Variants in ANK3 observed in about 807,000 individuals in gnomAD.
The protein encoded by ANK3 is ankyrin 3.
In ANK3, 57 loss-of-function variants were observed where a neutral mutation model predicts 370.9. That is an observed-to-expected ratio of 0.15 (90% CI 0.12 to 0.19). The LOEUF is 0.19. ANK3 is among the 10% of genes least tolerant of loss of function. ANK3 has a pLI of 1.00. For synonymous variants in ANK3, 1,929 were observed against 1,946.3 expected (o/e 0.99, Z 0.23); for missense variants, 4,439 against 5,302.1 (o/e 0.84, Z 5.06).
At chr10:60,541,447 A>G (rs1053872590) in intron 2 of ANK3, among the ~76,000 whole-genome samples, 7 of 152,010 alleles carry the variant, frequency 4.6e-5, no homozygotes, top group African/African-American at 1.7e-4. Context: ...AGATTTAGAA[A>G]TGTGAGATAA....
At chr10:60,444,826 C>T (rs1432692493) in intron 2 of ANK3, among the ~76,000 whole-genome samples, 1 of 152,066 alleles carries the variant, frequency 6.6e-6, no homozygotes, top group East Asian at 1.9e-4. Context: ...GTCTGAAGGG[C>T]CTTCTAATTT....
At chr10:60,275,542 T>C (rs934009119) in intron 4 of ANK3, among the ~76,000 whole-genome samples, 8 of 152,194 alleles carry the variant, frequency 5.3e-5, no homozygotes, top group African/African-American at 1.7e-4. Context: ...TTGATTCATA[T>C]ACGTTACTAA....
At chr10:60,045,165 T>C (rs1314434343) in intron 42 of ANK3, among the ~76,000 whole-genome samples, 1 of 152,184 alleles carries the variant, frequency 6.6e-6, no homozygotes, top group African/African-American at 2.4e-5. Flanking sequence ...CTCTATTGGC[T>C]GTAACATATG....
At chr10:60,399,913 T>C (rs1248203064) in intron 2 of ANK3, among the ~76,000 whole-genome samples, 1 of 152,174 alleles carries the variant, frequency 6.6e-6, no homozygotes, top group Admixed American at 6.6e-5. Context: ...TCCCTGGGCA[T>C]TACCGAGTGT....
intron 42 of ANK3, among the ~76,000 whole-genome samples, chr10:60,046,507 T>C (rs1331589376): frequency 1.3e-5 from 2 of 152,182 alleles, no homozygotes; most frequent in Admixed American, 6.5e-5. Context: ...GAAAGGACTA[T>C]GAAGTAAGCA....
chr10:60,479,322 C>T (rs893888379), intron 2 of ANK3, among the ~76,000 whole-genome samples: 4 of 152,118 alleles, frequency 2.6e-5, no homozygotes, highest in Admixed American at 2.0e-4. Flanking sequence ...TGTGCTACAA[C>T]TACCTACAGT....
intron 1 of ANK3, among the ~76,000 whole-genome samples, chr10:60,308,152 C>T (rs1360865988): frequency 1.3e-5 from 2 of 152,182 alleles, no homozygotes; most frequent in Non-Finnish European, 2.9e-5. Context: ...TCTAGATTGA[C>T]TGTATTCAAT....
intron 1 of ANK3, among the ~76,000 whole-genome samples, chr10:60,328,731 A>G (rs1218945040): frequency 6.6e-6 from 1 of 152,188 alleles, no homozygotes; most frequent in African/African-American, 2.4e-5. Flanking sequence ...TTCCTTCTGA[A>G]ACTATTCCAA....
chr10:60,059,561 C>T (rs1160432936), intron 40 of ANK3, 131 bp from the exon 41 acceptor site: 20 of 1,244,798 alleles, frequency 1.6e-5, no homozygotes, highest in Non-Finnish European at 2.1e-5. Context: ...ATTTGAGTTT[C>T]TCTTCCATCA....
intron 2 of ANK3, among the ~76,000 whole-genome samples, chr10:60,599,257 T>A (rs951668387): frequency 3.3e-5 from 5 of 152,104 alleles, no homozygotes. Flanking sequence ...GACAGACTCA[T>A]CAGATGGTAA....
At chr10:60,151,179 C>G (rs1396292123) in intron 23 of ANK3, among the ~76,000 whole-genome samples, 1 of 152,132 alleles carries the variant, frequency 6.6e-6, no homozygotes. Context: ...TACCACATGC[C>G]AAGTTCTAGG....
intron 2 of ANK3, among the ~76,000 whole-genome samples, chr10:60,439,142 A>G (rs990830609): frequency 6.6e-6 from 1 of 152,198 alleles, no homozygotes; most frequent in Non-Finnish European, 1.5e-5. Flanking sequence ...AAGAAATGAT[A>G]GATTATCTAG....
intron 2 of ANK3, among the ~76,000 whole-genome samples, chr10:60,421,084 C>T (rs1429594786): frequency 6.6e-6 from 1 of 151,966 alleles, no homozygotes; most frequent in Non-Finnish European, 1.5e-5. Flanking sequence ...AGTGAAAACA[C>T]ACACCAAAAA....
At chr10:60,595,680 A>G (rs1311317828) in intron 2 of ANK3, among the ~76,000 whole-genome samples, 2 of 152,162 alleles carry the variant, frequency 1.3e-5, no homozygotes, top group Admixed American at 6.5e-5. Context: ...TGGTCCCCAA[A>G]CTAGAAGGGG....
chr10:60,467,617 A>C (rs2065039789), intron 2 of ANK3, among the ~76,000 whole-genome samples: 1 of 152,198 alleles, frequency 6.6e-6, no homozygotes, highest in Non-Finnish European at 1.5e-5. Flanking sequence ...AAATATTCAC[A>C]AGTAACATTT....
upstream of ANK3, among the ~76,000 whole-genome samples, chr10:60,391,779 C>T (rs1396799983): frequency 6.6e-6 from 1 of 152,140 alleles, no homozygotes; most frequent in African/African-American, 2.4e-5. Context: ...GAAAATAAGC[C>T]ACAGGTATTT....
intron 23 of ANK3, among the ~76,000 whole-genome samples, chr10:60,157,242 G>A (rs1036981007): frequency 6.6e-6 from 1 of 151,676 alleles, no homozygotes; most frequent in African/African-American, 2.4e-5. Flanking sequence ...TCCCCATGTT[G>A]GTCAGGCTGG....
At chr10:60,640,007 G>A (rs1001535296) in intron 1 of ANK3, among the ~76,000 whole-genome samples, 6 of 151,522 alleles carry the variant, frequency 4.0e-5, no homozygotes, top group Non-Finnish European at 7.4e-5. Flanking sequence ...GTAAAATGAC[G>A]AAAGAAGATA....
chr10:60,548,976 C>T (rs4540900), intron 2 of ANK3, among the ~76,000 whole-genome samples: 107,513 of 152,036 alleles, frequency 0.71, 38,152 homozygotes, highest in South Asian at 0.88. Context: ...AAATGTGTAA[C>T]TGTTAAATTC....
Sources: gnomAD v4.1 joint callset for allele counts (sites outside exome capture counted in the v4.1 genomes callset) on GRCh38, gnomAD v4.1.1 for gene constraint, MANE v1.5 for transcripts, NCBI Gene and HGNC (gene_info 2026-07-23, HGNC 2026-07-21) for gene names.